Variants in STK3 observed in about 807,000 individuals in gnomAD.
STK3 encodes serine/threonine-protein kinase 3.
Under a neutral mutation model 58.0 loss-of-function variants are expected in STK3, and 41 were observed. The ratio of observed to expected loss-of-function variants is 0.71; its 90% CI spans 0.55 to 0.92. STK3 has a LOEUF of 0.92. Ranked by LOEUF, STK3 falls within the 40% of genes least tolerant of loss-of-function variation. The pLI is 0.00. For missense variants in STK3, 479 were observed against 602.7 expected (o/e 0.79, Z 2.15); for synonymous variants, 170 against 191.0 (o/e 0.89, Z 0.91).
At chr8:98,822,213 T>C (rs1386353993) in intron 1 of STK3, among the ~76,000 whole-genome samples, 2 of 152,228 alleles carry the variant, frequency 1.3e-5, no homozygotes, top group Non-Finnish European at 2.9e-5. Context: ...TTCAAATGTA[T>C]TGGTAATATT....
intron 3 of STK3, among the ~76,000 whole-genome samples, chr8:98,408,687 G>A (rs4130404): frequency 0.21 from 32,640 of 152,162 alleles, 4,202 homozygotes; most frequent in African/African-American, 0.36. Context: ...TGTTAGATCA[G>A]AAAAAGAATT....
intron 10 of STK3, among the ~76,000 whole-genome samples, chr8:98,470,210 C>G (rs1348815349): frequency 6.6e-6 from 1 of 152,220 alleles, no homozygotes; most frequent in Non-Finnish European, 1.5e-5. Flanking sequence ...ACACTGCAAG[C>G]TGGTCCACAC....
At chr8:98,791,185 T>C (rs1389162610) in intron 1 of STK3, among the ~76,000 whole-genome samples, 1 of 152,120 alleles carries the variant, frequency 6.6e-6, no homozygotes, top group African/African-American at 2.4e-5. Context: ...GCGACCAAGC[T>C]GAGAATCAAA....
At chr8:98,899,795 C>T (rs1032141729) in intron 1 of STK3, among the ~76,000 whole-genome samples, 1 of 152,140 alleles carries the variant, frequency 6.6e-6, no homozygotes, top group East Asian at 1.9e-4. Flanking sequence ...AGCCAGTTAA[C>T]GTGTAGGAGG....
intron 1 of STK3, among the ~76,000 whole-genome samples, chr8:98,899,428 T>C (rs1421301681): frequency 6.6e-6 from 1 of 152,250 alleles, no homozygotes; most frequent in East Asian, 1.9e-4. Flanking sequence ...GTATCTATAC[T>C]GAATATGCAC....
At chr8:98,443,403 C>A (rs1414392621) in intron 1 of STK3, among the ~76,000 whole-genome samples, 5 of 152,206 alleles carry the variant, frequency 3.3e-5, no homozygotes, top group African/African-American at 1.2e-4. Flanking sequence ...CTGCCTGTAT[C>A]TATGTTCATG....
chr8:98,916,909 T>C (rs891472291), intron 1 of STK3, among the ~76,000 whole-genome samples: 1 of 152,178 alleles, frequency 6.6e-6, no homozygotes, highest in African/African-American at 2.4e-5. Context: ...CAGTCCTTTT[T>C]GATGGGGATT....
At chr8:98,349,356 G>A in the STK3 span, among the ~76,000 whole-genome samples, 1 of 152,240 alleles carries the variant, frequency 6.6e-6, no homozygotes, top group African/African-American at 2.4e-5. Context: ...GGCTCCCATG[G>A]TCTTCGGCAG....
chr8:98,669,831 TCGA>T (rs919390427), intron 6 of STK3, among the ~76,000 whole-genome samples: 2 of 152,182 alleles, frequency 1.3e-5, no homozygotes, highest in African/African-American at 4.8e-5. Context: ...GCCTAGCCCT[TCGA>T]AGATACCCAA....
chr8:98,477,433 A>G (rs912766403), intron 10 of STK3, among the ~76,000 whole-genome samples: 4 of 151,958 alleles, frequency 2.6e-5, no homozygotes, highest in Non-Finnish European at 4.4e-5. Flanking sequence ...CTTTAAAAAC[A>G]TCTTTCTCAA....
intron 10 of STK3, among the ~76,000 whole-genome samples, chr8:98,481,245 T>C (rs886177449): frequency 6.6e-6 from 1 of 151,962 alleles, no homozygotes; most frequent in African/African-American, 2.4e-5. Flanking sequence ...AAATGTTCAA[T>C]GAATAAATGA....
intron 4 of STK3, among the ~76,000 whole-genome samples, chr8:98,716,033 C>CA (rs531174646): frequency 0.013 from 1,945 of 148,414 alleles, 51 homozygotes; most frequent in African/African-American, 0.046. Context: ...ATTGCAAGGA[C>CA]AAAAAAAAAC....
At chr8:98,655,611 T>C (rs1435805760) in intron 6 of STK3, among the ~76,000 whole-genome samples, 7 of 151,206 alleles carry the variant, frequency 4.6e-5, no homozygotes, top group East Asian at 1.9e-4. Flanking sequence ...ATATCCAGAA[T>C]CTATAATGAA....
intron 2 of STK3, among the ~76,000 whole-genome samples, chr8:98,435,715 T>G (rs1818461839): frequency 6.6e-6 from 1 of 152,006 alleles, no homozygotes; most frequent in Non-Finnish European, 1.5e-5. Flanking sequence ...TGGTGCCACC[T>G]GGAGAGACAG....
At chr8:98,749,608 A>G (rs1829847638) in intron 3 of STK3, among the ~76,000 whole-genome samples, 1 of 152,088 alleles carries the variant, frequency 6.6e-6, no homozygotes, top group Non-Finnish European at 1.5e-5. Context: ...AAACCAGAAG[A>G]GGCCCAAATG....
chr8:98,738,010 G>A (rs767224584), intron 4 of STK3, among the ~76,000 whole-genome samples: 16 of 152,050 alleles, frequency 1.1e-4, no homozygotes, highest in East Asian at 3.9e-4. Flanking sequence ...GCACCCGGCC[G>A]AATGATTTTC....
At chr8:98,614,872 C>G (rs1297624274) in intron 6 of STK3, among the ~76,000 whole-genome samples, 1 of 152,170 alleles carries the variant, frequency 6.6e-6, no homozygotes, top group African/African-American at 2.4e-5. Flanking sequence ...AAGGCGGCAG[C>G]TAGGCTGGGG....
chr8:98,910,576 G>A (rs147890969), intron 1 of STK3, among the ~76,000 whole-genome samples: 51 of 152,236 alleles, frequency 3.4e-4, no homozygotes, highest in African/African-American at 1.1e-3. Context: ...ATATTTTTAC[G>A]AAAATCCTGT....
intron 1 of STK3, among the ~76,000 whole-genome samples, chr8:98,902,130 C>T (rs1011127233): frequency 1.1e-4 from 17 of 152,164 alleles, no homozygotes; most frequent in Admixed American, 9.2e-4. Context: ...CTCCCTCCTT[C>T]GTCTGCCATT....
Sources: gnomAD v4.1 joint callset for allele counts (sites outside exome capture counted in the v4.1 genomes callset) on GRCh38, gnomAD v4.1.1 for gene constraint, MANE v1.5 for transcripts, NCBI Gene and HGNC (gene_info 2026-07-23, HGNC 2026-07-21) for gene names.